BRF1: variants seen among roughly 807,000 people sequenced by gnomAD.
BRF1 encodes BRF1 general transcription factor IIIB subunit.
In BRF1, 59 loss-of-function variants were observed where a neutral mutation model predicts 81.7. The ratio of observed to expected loss-of-function variants is 0.72; its 90% CI spans 0.59 to 0.90. BRF1 has a LOEUF of 0.90. Among genes scored for constraint, BRF1 ranks in the 40% least tolerant of loss-of-function variants. The pLI is 0.00. For synonymous variants in BRF1, 491 were observed against 395.6 expected (o/e 1.24, Z -2.86); for missense variants, 1,050 against 936.3 (o/e 1.12, Z -1.58).
intron 16 of BRF1, 188 bp from the exon 17 acceptor site, chr14:105,211,481 G>A (rs924614678): frequency 6.0e-5 from 35 of 579,376 alleles, no homozygotes; most frequent in African/African-American, 5.7e-4. Context: ...GCCATGAGCT[G>A]TGTCAGCATC....
chr14:105,268,388 G>A (rs1008709201), intron 3 of BRF1, among the ~76,000 whole-genome samples: 2 of 152,238 alleles, frequency 1.3e-5, no homozygotes, highest in African/African-American at 2.4e-5. Flanking sequence ...AGGGTCAGCC[G>A]GGCCTTGCCA....
rs587665662 is a variant in BRF1, at chr14:105,312,005, G to C, written c.-162+3317C>G. 6.6e-5 allele frequency among the ~76,000 whole-genome samples: 10 copies of C among 152,354 alleles called. No homozygotes were observed. In the East Asian group the frequency reaches 1.9e-3, roughly 29 times the overall value. ...CAGCTCCTGGCAGGAGAAGGAGTAG[G>C]GGCGCTGTGGGCTGGAGCCGCCAAC... On this transcript the variant is annotated intron_variant, in intron 1 of 17. Transcript: ENST00000327359.
chr14:105,265,684 T>C (rs1242496293), intron 3 of BRF1, among the ~76,000 whole-genome samples: 1 of 151,352 alleles, frequency 6.6e-6, no homozygotes, highest in Non-Finnish European at 1.5e-5. Context: ...GATCACGAGG[T>C]CAGGAGATTG....
At chr14:105,226,949 A>C (rs1893202955) in intron 7 of BRF1, 189 bp from the exon 8 acceptor site, 4 of 340,934 alleles carry the variant, frequency 1.2e-5, no homozygotes, top group East Asian at 6.5e-5. Context: ...TCTCTACCCA[A>C]AAAAAAAAAA....
chr14:105,299,369 G>A (rs1309419597), intron 1 of BRF1, among the ~76,000 whole-genome samples: 1 of 151,912 alleles, frequency 6.6e-6, no homozygotes, highest in Non-Finnish European at 1.5e-5. Context: ...CCAGGAGTTT[G>A]AGACCAGCCT....
chr14:105,219,238 C>T lies in BRF1; in HGVS notation c.1378-6G>A, dbSNP rs587682422. The T allele has an allele frequency of 9.9e-6, 16 of 1,610,584 alleles. No individual in the cohort carries two copies. Among genetic ancestry groups the T allele is most frequent in the African/African-American group, 6.7e-5 (5 of 75,008 alleles). ...TCCGACTCATTCAGGATGTACTGGG[C>T]GAGCACAGGGAAGTGGGGCTGGCTT... On this transcript the variant is annotated splice_polypyrimidine_tract_variant and splice_region_variant and intron_variant, in intron 12 of 17. Coordinates refer to ENST00000547530, the MANE Select transcript of BRF1 (RefSeq NM_001519.4).
chr14:105,255,858 T>C (rs916767460), intron 4 of BRF1, among the ~76,000 whole-genome samples: 1 of 152,198 alleles, frequency 6.6e-6, no homozygotes, highest in African/African-American at 2.4e-5. Flanking sequence ...CAGGTATGGT[T>C]GTTCATGCCT....
At position 105,283,127 on chromosome 14, in the gene BRF1, G is replaced by A. The variant is rs141722964; in HGVS notation, c.265+3169C>T. Among the ~76,000 whole-genome samples, 48 of 152,274 alleles carry A rather than the reference G, an allele frequency of 3.2e-4. No homozygotes were observed. The East Asian group carries it at 8.5e-3, about 27-fold the overall frequency. The stretch of plus-strand genomic sequence containing the variant: ...AGGACACTCGACAGCAAGGAGGTAC[G>A]GCGGGCCCAGCCAGCCAAGGCAGAG... On this transcript the variant is annotated intron_variant, in intron 2 of 17. Coordinates refer to ENST00000547530, the MANE Select transcript of BRF1 (RefSeq NM_001519.4).
chr14:105,256,305 A>G, intron 4 of BRF1: 2 of 1,547,124 alleles, frequency 1.3e-6, no homozygotes, highest in Non-Finnish European at 1.7e-6. Context: ...CCCTCCTGCC[A>G]TGGAGACCCA....
chr14:105,217,448 C>G (rs1422943188), intron 15 of BRF1, 96 bp downstream of exon 15: 1 of 1,541,818 alleles, frequency 6.5e-7, no homozygotes, highest in African/African-American at 1.4e-5. Context: ...CTTCTGTGGC[C>G]CCGGCTGGCC....
intron 15 of BRF1, among the ~76,000 whole-genome samples, chr14:105,214,637 A>G (rs938008961): frequency 6.6e-6 from 1 of 151,486 alleles, no homozygotes; most frequent in Non-Finnish European, 1.5e-5. Flanking sequence ...CCAGAGGGAG[A>G]TGGGCTAGGC....
At chr14:105,268,967 C>A (rs1286824781) in intron 3 of BRF1, among the ~76,000 whole-genome samples, 4 of 152,196 alleles carry the variant, frequency 2.6e-5, no homozygotes, top group Admixed American at 2.6e-4. Context: ...ATTGAGGAAA[C>A]TGAGGCAGCA....
intron 3 of BRF1, among the ~76,000 whole-genome samples, chr14:105,257,914 AGGGTTCCAGGAC>A (rs2055963567): frequency 6.6e-6 from 1 of 152,096 alleles, no homozygotes; most frequent in Non-Finnish European, 1.5e-5. Flanking sequence ...GGCCGAGAGG[AGGGTTCCAGGAC>A]GCTGCAGCTC....
Position 105,241,311 on chromosome 14 carries a change from C to A in BRF1, c.648G>T (p.Arg216=). 1 of 1,612,696 alleles carries A rather than the reference C, an allele frequency of 6.2e-7. No individual in the cohort carries two copies. Among genetic ancestry groups the A allele is most frequent in the East Asian group, 2.2e-5 (1 of 44,886 alleles). ...TALRLLQRMK[R]DWMHTGRRPS... ...GGCGCCGGCCTGTGTGCATCCAGTC[C>A]CGCTTCATCCTCTGTAGGAGCCTCA... Residue 216 remains arginine, a synonymous_variant, in exon 6 of 18, where the codon CGG becomes CGT. Coordinates refer to ENST00000547530, the MANE Select transcript of BRF1 (RefSeq NM_001519.4).
At position 105,286,313 on chromosome 14, in the gene BRF1, G is replaced by A. The variant is rs774096096; in HGVS notation, c.248C>T (p.Ala83Val). 1.9e-6 allele frequency: 3 copies of A among 1,613,530 alleles called. No homozygotes were observed. Among genetic ancestry groups the A allele is most frequent in the Non-Finnish European group, 2.5e-6 (3 of 1,179,846 alleles). Residue 83 changes from alanine to valine, a missense_variant, in exon 2 of 18, where the codon GCG (alanine) becomes GTG (valine). Around this residue, in one of 2 missense-constraint regions of BRF1, gnomAD observed 1,043 missense variants for 915.4 expected, o/e 1.14. Coordinates refer to ENST00000547530, the MANE Select transcript of BRF1 (RefSeq NM_001519.4). ...FHVNLGKESRAQTLQNGRRHI... is the reference protein window; with the variant it reads ...FHVNLGKESRVQTLQNGRRHI... Reference sequence around the variant, plus strand: ...GGAAATACCATTCTGCAGGGTCTGCGCTCTCGACTCCTTCCCCAGATTCAC... The same window carrying A: ...GGAAATACCATTCTGCAGGGTCTGCACTCTCGACTCCTTCCCCAGATTCAC...
intron 1 of BRF1, among the ~76,000 whole-genome samples, chr14:105,291,112 G>A (rs927513457): frequency 6.6e-6 from 1 of 152,200 alleles, no homozygotes; most frequent in African/African-American, 2.4e-5. Flanking sequence ...ACATGTGGAA[G>A]GGGCCAGGTC....
intron 15 of BRF1, among the ~76,000 whole-genome samples, chr14:105,216,460 G>T (rs182463484): frequency 6.6e-5 from 10 of 152,328 alleles, no homozygotes; most frequent in South Asian, 2.1e-4. Flanking sequence ...TGCACCCCCA[G>T]AGGACCAGTG....
At chr14:105,270,890 G>A (rs1349273614) in intron 3 of BRF1, among the ~76,000 whole-genome samples, 1 of 152,070 alleles carries the variant, frequency 6.6e-6, no homozygotes, top group Non-Finnish European at 1.5e-5. Context: ...TCATCTCCAG[G>A]AGCCCTCCCT....
rs2056559059 is a variant in BRF1, at chr14:105,269,331, C to T, written c.439+3390G>A. On this transcript the variant is annotated intron_variant, in intron 3 of 17. Transcript: ENST00000547530. This position sits in a 1 kb window ranked among gnomAD's most constrained non-coding sequence, Gnocchi z 5.0. ...GGAGCCCCACCAGGCCACCAGCAGC[C>T]AGAGGGGATAGAGTGCGGCCTCCCG... Among the ~76,000 whole-genome samples, 1 of 152,168 alleles carries T rather than the reference C, an allele frequency of 6.6e-6. No homozygotes were observed. Among genetic ancestry groups the T allele is most frequent in the Non-Finnish European group, 1.5e-5 (1 of 68,026 alleles).
Sources: allele counts gnomAD v4.1 joint callset (sites outside exome capture counted in the v4.1 genomes callset), GRCh38; gene constraint gnomAD v4.1.1; regional missense constraint gnomAD v4.1.1; non-coding constraint Gnocchi (gnomAD v3.1); transcripts MANE v1.5; gene names NCBI Gene and HGNC (gene_info 2026-07-23, HGNC 2026-07-21).